LYRM4: variants seen among roughly 807,000 people sequenced by gnomAD.
LYRM4 encodes the protein LYR motif-containing protein 4.
A neutral mutation model predicts 11.7 loss-of-function variants in LYRM4; 9 were observed. The observed-to-expected ratio is 0.77, with a 90% CI of 0.46 to 1.34. The LOEUF (loss-of-function observed/expected upper bound fraction) is 1.34. Among genes scored for constraint, LYRM4 ranks in the 40% most tolerant of loss-of-function variants. The probability of loss-of-function intolerance (pLI) is 0.00; values close to 1 mark genes in which losing one functional copy is unlikely to be tolerated. For synonymous variants in LYRM4, 42 were observed against 40.4 expected, an observed-to-expected ratio of 1.04 and a Z score of -0.15; for missense variants, 133 against 112.5, an observed-to-expected ratio of 1.18 and a Z score of -0.82.
At chr6:5,066,304 A>G in the LYRM4 span, 1 of 721,908 alleles carries the variant, frequency 1.4e-6, no homozygotes, top group East Asian at 2.6e-5. Context: ...ACCAATAAAC[A>G]TATTTAGTTC....
chr6:5,154,625 A>G (rs1344532047), intron 2 of LYRM4, among the ~76,000 whole-genome samples: 6 of 152,154 alleles, frequency 3.9e-5, no homozygotes, highest in African/African-American at 4.8e-5. Flanking sequence ...GACCATCCTG[A>G]CGAACACTGT....
intron 2 of LYRM4, among the ~76,000 whole-genome samples, chr6:5,112,678 A>G (rs379508): frequency 0.94 from 142,773 of 152,222 alleles, 67,087 homozygotes; most frequent in African/African-American, 0.99. Flanking sequence ...GAGATAAATG[A>G]CCTAGCATCT....
chr6:5,068,651 C>T, the LYRM4 span, among the ~76,000 whole-genome samples: 1 of 152,076 alleles, frequency 6.6e-6, no homozygotes, highest in South Asian at 2.1e-4. The surrounding 1 kb of genome is among the most constrained non-coding windows in gnomAD (Gnocchi z 4.0). Flanking sequence ...GACTTAATCC[C>T]GTTGGAAAGG....
At chr6:5,080,949 T>A in the LYRM4 span, among the ~76,000 whole-genome samples, 3 of 152,066 alleles carry the variant, frequency 2.0e-5, no homozygotes, top group African/African-American at 7.2e-5. Flanking sequence ...CCCTGCCCAA[T>A]CTACAGATTA....
At chr6:5,159,015 G>T (rs990648823) in intron 2 of LYRM4, among the ~76,000 whole-genome samples, 17 of 152,298 alleles carry the variant, frequency 1.1e-4, no homozygotes, top group South Asian at 6.2e-4. Context: ...TGGGCCACAT[G>T]GGGGAGGTGG....
chr6:5,181,704 G>A (rs1760086048), intron 2 of LYRM4, among the ~76,000 whole-genome samples: 1 of 152,126 alleles, frequency 6.6e-6, no homozygotes, highest in South Asian at 2.1e-4. Flanking sequence ...TCTAAGAGAT[G>A]TTGCCAAACA....
chr6:5,205,352 G>A (rs1226547833), intron 2 of LYRM4, among the ~76,000 whole-genome samples: 2 of 151,932 alleles, frequency 1.3e-5, no homozygotes, highest in Admixed American at 1.3e-4. Flanking sequence ...CAGCCCTCCG[G>A]CATCCTGCAA....
intron 1 of LYRM4, among the ~76,000 whole-genome samples, chr6:5,240,286 C>T (rs34120947): frequency 0.049 from 7,397 of 152,182 alleles, 590 homozygotes; most frequent in African/African-American, 0.16. Flanking sequence ...TATTACTACT[C>T]TGCAGAAGTA....
At chr6:5,126,745 A>T (rs1267764479) in intron 2 of LYRM4, among the ~76,000 whole-genome samples, 2 of 152,248 alleles carry the variant, frequency 1.3e-5, no homozygotes, top group East Asian at 3.8e-4. Flanking sequence ...CACATATTGT[A>T]TGATTCCATT....
At chr6:5,210,281 G>T (rs1022263969) in intron 2 of LYRM4, among the ~76,000 whole-genome samples, 1 of 152,094 alleles carries the variant, frequency 6.6e-6, no homozygotes, top group Non-Finnish European at 1.5e-5. Context: ...TGTGAATGTT[G>T]AACCATGGGA....
the LYRM4 span, among the ~76,000 whole-genome samples, chr6:5,036,168 A>G: frequency 3.3e-5 from 5 of 152,196 alleles, no homozygotes; most frequent in African/African-American, 9.6e-5. Context: ...TATATCTATA[A>G]TAAAATTTTG....
At chr6:5,100,816 T>C (rs990847301), downstream of LYRM4, among the ~76,000 whole-genome samples, 1 of 152,216 alleles carries the variant, frequency 6.6e-6, no homozygotes. Flanking sequence ...CCTGCCAGTC[T>C]TTCAGGATCA....
At chr6:5,061,592 G>C in the LYRM4 span, among the ~76,000 whole-genome samples, 1 of 152,182 alleles carries the variant, frequency 6.6e-6, no homozygotes, top group Non-Finnish European at 1.5e-5. Context: ...GGTGGCTAGG[G>C]GCTATGGGGT....
At chr6:5,205,289 C>T (rs987531626) in intron 2 of LYRM4, among the ~76,000 whole-genome samples, 1 of 151,242 alleles carries the variant, frequency 6.6e-6, no homozygotes, top group African/African-American at 2.5e-5. Context: ...CACAAGTGCA[C>T]TGGGTGTGCT....
At chr6:5,251,824 CAT>C (rs1233633310) in intron 1 of LYRM4, among the ~76,000 whole-genome samples, 5 of 152,174 alleles carry the variant, frequency 3.3e-5, no homozygotes, top group South Asian at 2.1e-4. Flanking sequence ...ACAAGGAAAA[CAT>C]GTGAAAGAAA....
chr6:5,131,106 G>A (rs928194404), intron 2 of LYRM4, among the ~76,000 whole-genome samples: 8 of 152,128 alleles, frequency 5.3e-5, no homozygotes, highest in Non-Finnish European at 8.8e-5. Context: ...GTATATATGC[G>A]GGGGAAAATT....
chr6:5,205,524 T>C (rs1302952603), intron 2 of LYRM4, among the ~76,000 whole-genome samples: 3 of 150,320 alleles, frequency 2.0e-5, no homozygotes, highest in East Asian at 1.9e-4. Flanking sequence ...GAAAAAAGTA[T>C]GGTCAATGTC....
chr6:5,177,748 C>T (rs1460817520), intron 2 of LYRM4, among the ~76,000 whole-genome samples: 1 of 152,166 alleles, frequency 6.6e-6, no homozygotes, highest in African/African-American at 2.4e-5. Flanking sequence ...GTTTGAGGGG[C>T]TCGAGGACAA....
At chr6:5,075,766 A>G in the LYRM4 span, among the ~76,000 whole-genome samples, 1 of 152,060 alleles carries the variant, frequency 6.6e-6, no homozygotes, top group African/African-American at 2.4e-5. Context: ...CAAAATATAC[A>G]TAACATAACA....
Sources: allele counts gnomAD v4.1 joint callset (sites outside exome capture counted in the v4.1 genomes callset), GRCh38; gene constraint gnomAD v4.1.1; non-coding constraint Gnocchi (gnomAD v3.1); transcripts MANE v1.5; gene names NCBI Gene and HGNC (gene_info 2026-07-23, HGNC 2026-07-21).